PHTF2: variants seen among roughly 807,000 people sequenced by gnomAD.
The protein encoded by PHTF2 is putative homeodomain transcription factor 2.
Under a neutral mutation model 101.2 loss-of-function variants are expected in PHTF2, and 60 were observed. The observed-to-expected ratio is 0.59, with a 90% CI of 0.48 to 0.73. The LOEUF is 0.73. Among genes scored for constraint, PHTF2 ranks in the 30% least tolerant of loss-of-function variants. The pLI, the probability that PHTF2 is intolerant of heterozygous loss-of-function variation, is 0.00. For synonymous variants in PHTF2, 311 were observed against 307.3 expected (o/e 1.01, Z -0.13); for missense variants, 747 against 908.7 (o/e 0.82, Z 2.29).
At chr7:77,838,052 A>T (rs917626215) in intron 1 of PHTF2, among the ~76,000 whole-genome samples, 1 of 152,178 alleles carries the variant, frequency 6.6e-6, no homozygotes, top group Non-Finnish European at 1.5e-5. Flanking sequence ...CATTTTTCAT[A>T]GTTTGCTTGA....
At position 77,956,481 on chromosome 7, in the gene PHTF2, A is replaced by G. The variant is rs191446936; in HGVS notation, c.*1603A>G. 160 of 152,602 alleles carry G rather than the reference A, an allele frequency of 1.0e-3. 1 individual carries two copies. The highest frequency in any genetic ancestry group is 3.7e-3 in the African/African-American group (153 of 41,534). 9.5% of individuals were successfully genotyped at this position (152,602 alleles called of 1,614,324 possible). ...AGAAAGCATTTCATTTTATTTGCCT[A>G]TGTTCAAATATGTTTAATAATGACC... On this transcript the variant is annotated 3_prime_UTR_variant, in exon 20 of 20. Transcript: ENST00000416283.
Position 77,893,964 on chromosome 7 carries a change from T to C in PHTF2, c.205-18T>C, listed in dbSNP as rs1800668020. On this transcript the variant is annotated intron_variant, in intron 4 of 19. Transcript: ENST00000416283. ...GTTTGCTTTTTCTCCCTTTTGATGC[T>C]GTCATTGCTCTGTACAGTTTATTAA... is the stretch of plus-strand genomic sequence containing the variant. 2 of 1,589,648 alleles carry C rather than the reference T, an allele frequency of 1.3e-6. No homozygotes were observed. The highest frequency in any genetic ancestry group is 1.7e-5 in the Admixed American group (1 of 59,888).
At chr7:77,890,592 A>G (rs1371991536) in intron 3 of PHTF2, among the ~76,000 whole-genome samples, 2 of 146,568 alleles carry the variant, frequency 1.4e-5, no homozygotes, top group African/African-American at 2.5e-5. Flanking sequence ...GCATTGAAAT[A>G]GTTACACTTT....
intron 12 of PHTF2, among the ~76,000 whole-genome samples, chr7:77,932,617 A>AGTGTGT (rs1263484171): frequency 0.011 from 1,398 of 124,800 alleles, 13 homozygotes; most frequent in Non-Finnish European, 0.015. Flanking sequence ...AGAGAGAGAG[A>AGTGTGT]GAGAGTGTGT....
intron 2 of PHTF2, among the ~76,000 whole-genome samples, chr7:77,841,333 G>C (rs1055961978): frequency 6.6e-6 from 1 of 151,998 alleles, no homozygotes; most frequent in Non-Finnish European, 1.5e-5. Flanking sequence ...GCCCGCCTCA[G>C]CCTCCCAAAG....
intron 1 of PHTF2, among the ~76,000 whole-genome samples, chr7:77,824,338 T>A (rs1794543275): frequency 6.6e-6 from 1 of 152,162 alleles, no homozygotes; most frequent in African/African-American, 2.4e-5. Flanking sequence ...TTTTGCTTAG[T>A]ATCTTGAGTT....
chr7:77,927,399 C>T (rs1804159859), intron 11 of PHTF2, among the ~76,000 whole-genome samples: 1 of 151,884 alleles, frequency 6.6e-6, no homozygotes, highest in Admixed American at 6.6e-5. Flanking sequence ...AGTTCAAGAC[C>T]AGCCTGGCCA....
chr7:77,926,204 C>T (rs567868296), intron 11 of PHTF2, among the ~76,000 whole-genome samples: 2 of 152,296 alleles, frequency 1.3e-5, no homozygotes, highest in South Asian at 2.1e-4. Context: ...AAGTCTGCAA[C>T]AGACGTTATA....
chr7:77,930,039 C>G (rs960123393), intron 12 of PHTF2, among the ~76,000 whole-genome samples: 1 of 148,016 alleles, frequency 6.8e-6, no homozygotes, highest in African/African-American at 2.5e-5. Context: ...CTGCAACCTT[C>G]GCCTCCCAGG....
chr7:77,850,359 T>TAAAAAA (rs1208645940), intron 2 of PHTF2, among the ~76,000 whole-genome samples: 1 of 26,770 alleles, frequency 3.7e-5, no homozygotes, highest in Non-Finnish European at 6.5e-5. Context: ...AGACCTTGTC[T>TAAAAAA]CAAAAAAAAA....
chr7:77,822,976 C>T (rs1794417291), intron 1 of PHTF2, among the ~76,000 whole-genome samples: 1 of 147,830 alleles, frequency 6.8e-6, no homozygotes, highest in Non-Finnish European at 1.5e-5. Context: ...GCGATCTCGG[C>T]TCACCGCAAG....
intron 1 of PHTF2, among the ~76,000 whole-genome samples, chr7:77,816,201 A>G (rs1366935995): frequency 4.6e-5 from 7 of 152,074 alleles, no homozygotes; most frequent in Non-Finnish European, 7.4e-5. Flanking sequence ...CAGTCTCTCA[A>G]GTAGCTGGGA....
chr7:77,934,624 A>C (rs1804914589), intron 12 of PHTF2, among the ~76,000 whole-genome samples: 1 of 152,234 alleles, frequency 6.6e-6, no homozygotes, highest in Non-Finnish European at 1.5e-5. Flanking sequence ...TCAAAGGTAA[A>C]AAAAAATTTT....
At chr7:77,891,312 A>G (rs922525433) in intron 3 of PHTF2, among the ~76,000 whole-genome samples, 2 of 152,174 alleles carry the variant, frequency 1.3e-5, no homozygotes, top group South Asian at 2.1e-4. Flanking sequence ...TTCATGTGGA[A>G]TCTATGTTCC....
chr7:77,845,443 C>T (rs1370010553), intron 2 of PHTF2, among the ~76,000 whole-genome samples: 1 of 152,168 alleles, frequency 6.6e-6, no homozygotes, highest in African/African-American at 2.4e-5. Flanking sequence ...TTTAAGGAGT[C>T]AGTTGCCAAT....
intron 2 of PHTF2, among the ~76,000 whole-genome samples, chr7:77,841,577 A>ACCTAAACCTC (rs1795890644): frequency 6.6e-6 from 1 of 152,028 alleles, no homozygotes; most frequent in Non-Finnish European, 1.5e-5. Context: ...TGGTCCTCCT[A>ACCTAAACCTC]CCTAAACCTC....
At chr7:77,852,538 GTCTT>G (rs1278496930) in intron 2 of PHTF2, among the ~76,000 whole-genome samples, 1 of 152,008 alleles carries the variant, frequency 6.6e-6, no homozygotes, top group African/African-American at 2.4e-5. Context: ...TTTTTATACT[GTCTT>G]TATCTTAAAA....
At chr7:77,800,640 C>CTT (rs201703322) in intron 1 of PHTF2, among the ~76,000 whole-genome samples, 1 of 152,102 alleles carries the variant, frequency 6.6e-6, no homozygotes, top group Non-Finnish European at 1.5e-5. Context: ...AAACCATGAA[C>CTT]TTTTTTTGGC....
At chr7:77,870,274 T>G (rs2150711580) in intron 3 of PHTF2, among the ~76,000 whole-genome samples, 1 of 151,672 alleles carries the variant, frequency 6.6e-6, no homozygotes, top group African/African-American at 2.4e-5. Flanking sequence ...TATGTTGTAT[T>G]AGGGTTCTCT....
Sources: allele counts gnomAD v4.1 joint callset (sites outside exome capture counted in the v4.1 genomes callset), GRCh38; gene constraint gnomAD v4.1.1; transcripts MANE v1.5; gene names NCBI Gene and HGNC (gene_info 2026-07-23, HGNC 2026-07-21).